The following GNAS-AS1 variants were observed in gnomAD, a reference collection of about 807,000 sequenced individuals.
The protein encoded by GNAS-AS1 is GNAS antisense RNA 1.
chr20:58,833,612 C>G (rs2085581883), intron 4 of GNAS-AS1, among the ~76,000 whole-genome samples: 1 of 152,048 alleles, frequency 6.6e-6, no homozygotes, highest in African/African-American at 2.4e-5. Context: ...ATGTGGAAAC[C>G]AAGTATCCAC....
chr20:58,849,393 C>G (rs2086063520), intron 1 of GNAS-AS1, among the ~76,000 whole-genome samples: 2 of 152,194 alleles, frequency 1.3e-5, no homozygotes, highest in South Asian at 2.1e-4. Context: ...GCCAATTGTT[C>G]AAGATTCTAT....
chr20:58,849,376 C>T (rs1233594498), intron 1 of GNAS-AS1, among the ~76,000 whole-genome samples: 1 of 152,178 alleles, frequency 6.6e-6, no homozygotes, highest in Non-Finnish European at 1.5e-5. Flanking sequence ...TTTTTCCTGT[C>T]CAGTGCGCCA....
At chr20:58,844,658 G>T (rs749001495) in intron 2 of GNAS-AS1, among the ~76,000 whole-genome samples, 1 of 147,558 alleles carries the variant, frequency 6.8e-6, no homozygotes, top group East Asian at 2.0e-4. Context: ...GAAGCCTGGG[G>T]TTGTCCAATT....
At chr20:58,839,342 G>A (rs1460316337) in intron 4 of GNAS-AS1, 1 of 398,540 alleles carries the variant, frequency 2.5e-6, no homozygotes, top group Non-Finnish European at 4.4e-6. Flanking sequence ...AATGCTAGAG[G>A]CTTAATACTC....
intron 4 of GNAS-AS1, among the ~76,000 whole-genome samples, chr20:58,822,454 T>C (rs1235697955): frequency 1.3e-5 from 2 of 152,144 alleles, no homozygotes; most frequent in African/African-American, 4.8e-5. Flanking sequence ...CCCAGAAAAC[T>C]AGAGGCTCCA....
chr20:58,842,422 A>T (rs907595355), intron 3 of GNAS-AS1: 6 of 398,498 alleles, frequency 1.5e-5, no homozygotes, highest in East Asian at 1.1e-4. Context: ...ATGATGATAG[A>T]AGGAAAATAC....
intron 4 of GNAS-AS1, among the ~76,000 whole-genome samples, chr20:58,828,835 A>C (rs1447320579): frequency 6.6e-6 from 1 of 151,810 alleles, no homozygotes; most frequent in East Asian, 1.9e-4. Context: ...CCCACTCAAC[A>C]TGGCAGAGCT....
rs188000321 is a variant in GNAS-AS1 at position 58,823,477 on chromosome 20, C to T, written n.820-4222G>A. Among the ~76,000 whole-genome samples, 473 of 152,316 alleles carry T rather than the reference C, an allele frequency of 3.1e-3. 6 individuals carry two copies. The highest frequency in any genetic ancestry group is 1.8e-3 in the Non-Finnish European group (125 of 68,032). On this transcript the variant is annotated intron_variant and non_coding_transcript_variant, in intron 4 of 4. Transcript: ENST00000424094. The stretch of plus-strand genomic sequence containing the variant: ...GGTGTGGCCATCTGTATGCCTGTGA[C>T]GGGCGCACGTGCCTGGAGCATGCGG...
Position 58,846,759 on chromosome 20 carries a change from T to C in GNAS-AS1, n.413+2120A>G, listed in dbSNP as rs116736444. 1.8e-3 allele frequency among the ~76,000 whole-genome samples: 276 copies of C among 152,260 alleles called. 1 individual carries two copies. Among genetic ancestry groups the C allele is most frequent in the African/African-American group, 6.2e-3 (257 of 41,518 alleles). On this transcript the variant is annotated intron_variant and non_coding_transcript_variant, in intron 2 of 4. Transcript: ENST00000424094. ...CTTAATTAGATTTCATTAGGAAAAT[T>C]TGCCCTGGGTAATTGAGGTTGTTCT... is the stretch of plus-strand genomic sequence containing the variant.
intron 4 of GNAS-AS1, among the ~76,000 whole-genome samples, chr20:58,821,387 A>C (rs1489182429): frequency 2.0e-5 from 3 of 152,234 alleles, no homozygotes; most frequent in Admixed American, 6.5e-5. Context: ...AGCATTTGAA[A>C]GGCGACCTCT....
At chr20:58,829,577 G>T (rs1005096529) in intron 4 of GNAS-AS1, among the ~76,000 whole-genome samples, 2 of 152,092 alleles carry the variant, frequency 1.3e-5, no homozygotes, top group African/African-American at 2.4e-5. Flanking sequence ...GCTTCTTTCC[G>T]CCAGAGAGCT....
intron 4 of GNAS-AS1, among the ~76,000 whole-genome samples, chr20:58,836,071 G>A (rs957284139): frequency 1.3e-5 from 2 of 151,978 alleles, no homozygotes; most frequent in African/African-American, 4.8e-5. Flanking sequence ...AAGTGGGGGC[G>A]GGGGGGAGGA....
intron 4 of GNAS-AS1, among the ~76,000 whole-genome samples, chr20:58,829,784 AAAAAC>A (rs2085542291): frequency 6.6e-6 from 1 of 152,288 alleles, no homozygotes; most frequent in East Asian, 1.9e-4. Context: ...TCAGGGGGAA[AAAAAC>A]AAAAGAACAT....
chr20:58,831,348 A>ATAAAGTCACTGAAAAC (rs2085567650), intron 4 of GNAS-AS1, among the ~76,000 whole-genome samples: 1 of 152,156 alleles, frequency 6.6e-6, no homozygotes. Flanking sequence ...AATCTGCTAG[A>ATAAAGTCACTGAAAAC]TAAAGTCACT....
At chr20:58,839,540 C>CTCCAA in intron 4 of GNAS-AS1, 2 of 405,168 alleles carry the variant, frequency 4.9e-6, no homozygotes, top group South Asian at 2.3e-4. Flanking sequence ...TCCTTGCCAC[C>CTCCAA]CGCCAGGCCC....
chr20:58,822,189 A>C (rs757092631), intron 4 of GNAS-AS1, among the ~76,000 whole-genome samples: 5 of 152,210 alleles, frequency 3.3e-5, no homozygotes, highest in Non-Finnish European at 7.3e-5. Flanking sequence ...GTCACAGCAA[A>C]GGCAAGGAGG....
At chr20:58,826,925 T>G (rs1425812158) in intron 4 of GNAS-AS1, 2 of 143,512 alleles carry the variant, frequency 1.4e-5, no homozygotes, top group Non-Finnish European at 3.0e-5. Flanking sequence ...GTTGCCAGGC[T>G]GGTCTTGAAC....
At chr20:58,827,771 C>T (rs1379770779) in intron 4 of GNAS-AS1, among the ~76,000 whole-genome samples, 2 of 152,178 alleles carry the variant, frequency 1.3e-5, no homozygotes, top group African/African-American at 2.4e-5. Context: ...AGATGACATC[C>T]TCTATGGAAA....
chr20:58,826,924 C>T (rs1163814300), intron 4 of GNAS-AS1: 2 of 137,138 alleles, frequency 1.5e-5, no homozygotes, highest in African/African-American at 5.6e-5. Context: ...TGTTGCCAGG[C>T]TGGTCTTGAA....
Sources: allele counts gnomAD v4.1 joint callset (sites outside exome capture counted in the v4.1 genomes callset), GRCh38; gene constraint gnomAD v4.1.1; transcripts MANE v1.5; gene names NCBI Gene and HGNC (gene_info 2026-07-23, HGNC 2026-07-21).